BCL2: variants seen among roughly 807,000 people sequenced by gnomAD.
BCL2 encodes BCL2 apoptosis regulator.
In BCL2, 1 loss-of-function variant was observed where a neutral mutation model predicts 14.2. The ratio of observed to expected loss-of-function variants is 0.07; its 90% CI spans 0.02 to 0.33. The LOEUF is 0.33. BCL2 is among the 10% of genes least tolerant of loss of function. The pLI, the probability that BCL2 is intolerant of heterozygous loss-of-function variation, is 0.99. For missense variants in BCL2, 247 were observed against 305.9 expected (o/e 0.81, Z 1.44); for synonymous variants, 151 against 137.2 (o/e 1.10, Z -0.70).
At chr18:63,233,163 C>G (rs1291629850) in intron 2 of BCL2, among the ~76,000 whole-genome samples, 1 of 152,160 alleles carries the variant, frequency 6.6e-6, no homozygotes, top group Middle Eastern at 3.2e-3. Flanking sequence ...CCCTTGTGAC[C>G]TAATCACCTC....
chr18:63,288,306 T>C (rs902647415), intron 2 of BCL2, among the ~76,000 whole-genome samples: 18 of 152,206 alleles, frequency 1.2e-4, no homozygotes, highest in Non-Finnish European at 1.8e-4. Flanking sequence ...CCAGCAAAGA[T>C]TTTAGGCACA....
At chr18:63,128,862 C>A in intron 2 of BCL2, 103 bp from the exon 3 acceptor site, 1 of 640,024 alleles carries the variant, frequency 1.6e-6, no homozygotes. Context: ...GCAGCCTGGG[C>A]ACCTTCAGAA....
intron 2 of BCL2, among the ~76,000 whole-genome samples, chr18:63,171,544 C>G (rs538015934): frequency 2.4e-4 from 37 of 152,346 alleles, no homozygotes; most frequent in African/African-American, 8.7e-4. Flanking sequence ...CAATAACCAA[C>G]TGATTGATAA....
chr18:63,160,237 A>G (rs1914886934), intron 2 of BCL2, among the ~76,000 whole-genome samples: 1 of 152,206 alleles, frequency 6.6e-6, no homozygotes, highest in African/African-American at 2.4e-5. Context: ...ACAGGTAGTA[A>G]AGGTTTTGAA....
At chr18:63,140,251 A>G (rs1914319906) in intron 2 of BCL2, among the ~76,000 whole-genome samples, 2 of 152,244 alleles carry the variant, frequency 1.3e-5, no homozygotes, top group African/African-American at 4.8e-5. Context: ...GATTCCTCAA[A>G]GAGTTAAACA....
At chr18:63,185,802 C>A (rs1915582280) in intron 2 of BCL2, among the ~76,000 whole-genome samples, 1 of 152,226 alleles carries the variant, frequency 6.6e-6, no homozygotes, top group African/African-American at 2.4e-5. Flanking sequence ...CCAAAGTCAA[C>A]ACAGCTAGTA....
At chr18:63,167,861 G>A (rs888216150) in intron 2 of BCL2, among the ~76,000 whole-genome samples, 2 of 151,976 alleles carry the variant, frequency 1.3e-5, no homozygotes, top group Admixed American at 1.3e-4. Context: ...GGGAGGCAGA[G>A]GTTGCAGTGA....
chr18:63,180,987 C>T (rs1308646733), intron 2 of BCL2, among the ~76,000 whole-genome samples: 2 of 152,204 alleles, frequency 1.3e-5, no homozygotes, highest in African/African-American at 4.8e-5. Context: ...CTTTTCATGC[C>T]TTTAAAAACA....
At chr18:63,133,938 C>T (rs972182748) in intron 2 of BCL2, among the ~76,000 whole-genome samples, 1 of 152,168 alleles carries the variant, frequency 6.6e-6, no homozygotes, top group Admixed American at 6.5e-5. Context: ...TGATGGAGTG[C>T]TGTTCAGCAT....
chr18:63,129,524 C>T (rs1368458180), intron 2 of BCL2, among the ~76,000 whole-genome samples: 2 of 152,190 alleles, frequency 1.3e-5, no homozygotes, highest in Non-Finnish European at 2.9e-5. Context: ...AGTGAGTCTC[C>T]TGCCTCAGCC....
chr18:63,236,080 T>C (rs117260532), intron 2 of BCL2, among the ~76,000 whole-genome samples: 3,668 of 152,182 alleles, frequency 0.024, 113 homozygotes, highest in Admixed American at 0.09. Context: ...TTCTCGTATA[T>C]TGAATAAGTC....
intron 2 of BCL2, among the ~76,000 whole-genome samples, chr18:63,289,645 G>A (rs974583497): frequency 1.2e-4 from 19 of 152,164 alleles, no homozygotes; most frequent in African/African-American, 4.6e-4. Flanking sequence ...TATAACCCCA[G>A]CCCTCGAGGA....
At chr18:63,298,113 A>AAATGG (rs1332445562) in intron 2 of BCL2, among the ~76,000 whole-genome samples, 1 of 152,216 alleles carries the variant, frequency 6.6e-6, no homozygotes, top group African/African-American at 2.4e-5. Flanking sequence ...ATCGGCAGAC[A>AAATGG]AATGGAATCT....
rs557575405 is a variant in BCL2 at position 63,267,987 on chromosome 18, T to C, written c.585+50095A>G. Among the ~76,000 whole-genome samples, 7 of 152,364 alleles carry C rather than the reference T, an allele frequency of 4.6e-5. No homozygotes were observed. The East Asian group carries it at 1.4e-3, about 29-fold the overall frequency. On this transcript the variant is annotated intron_variant, in intron 2 of 2. Transcript: ENST00000333681. ...TGCTTCACGTGAAGTAACCCATCTC[T>C]GATCAGTCCCAGCTAATCAGCGGCG...
At chr18:63,285,630 G>C (rs1001638862) in intron 2 of BCL2, among the ~76,000 whole-genome samples, 2 of 152,204 alleles carry the variant, frequency 1.3e-5, no homozygotes, top group African/African-American at 4.8e-5. Context: ...ACATATGTCA[G>C]CCATGTGGTA....
At chr18:63,274,776 A>G (rs1454496981) in intron 2 of BCL2, among the ~76,000 whole-genome samples, 4 of 152,134 alleles carry the variant, frequency 2.6e-5, no homozygotes, top group Admixed American at 6.5e-5. Context: ...CTCCAAACCC[A>G]CCTTCCCCCA....
chr18:63,220,819 G>GAAA (rs71162607), intron 2 of BCL2, among the ~76,000 whole-genome samples: 1 of 137,702 alleles, frequency 7.3e-6, no homozygotes. Context: ...TCTTCAAGGA[G>GAAA]AAAAAAAAAA....
chr18:63,281,720 GAAAGAAAGAAAGAAAGAAAA>G lies in BCL2; in HGVS notation c.585+36342_585+36361del, dbSNP rs1278373011. Among the ~76,000 whole-genome samples, 62 of 126,016 alleles carry G rather than the reference GAAAGAAAGAAAGAAAGAAAA, an allele frequency of 4.9e-4. 1 individual carries two copies. The highest frequency in any genetic ancestry group is 8.1e-3 in the Middle Eastern group (2 of 246). 82.7% of individuals were successfully genotyped at this position (126,016 alleles called of 152,430 possible). A position where few individuals can be genotyped will look rare whatever the true frequency, so the allele number is the denominator to read the frequency against. On this transcript the variant is annotated intron_variant, in intron 2 of 2. Coordinates refer to ENST00000333681, the MANE Select transcript of BCL2 (RefSeq NM_000633.3). ...AGAAAGAAAGAAAGAAAGAAAGAAA[GAAAGAAAGAAAGAAAGAAAA>G]AGAGAGAGGAAAGAAAGAGAAAAAG...
At chr18:63,292,055 GA>G (rs1404407875) in intron 2 of BCL2, among the ~76,000 whole-genome samples, 6 of 152,122 alleles carry the variant, frequency 3.9e-5, no homozygotes, top group African/African-American at 1.4e-4. Flanking sequence ...ACAGTGAAGA[GA>G]GTCCAGGTAA....
Sources: gnomAD v4.1 joint callset for allele counts (sites outside exome capture counted in the v4.1 genomes callset) on GRCh38, gnomAD v4.1.1 for gene constraint, MANE v1.5 for transcripts, NCBI Gene and HGNC (gene_info 2026-07-23, HGNC 2026-07-21) for gene names.